The following CFAP299 variants were observed in gnomAD, a reference collection of about 807,000 sequenced individuals.
The protein encoded by CFAP299 is cilia- and flagella-associated protein 299.
In CFAP299, 21 loss-of-function variants were observed where a neutral mutation model predicts 27.0. That is an observed-to-expected ratio of 0.78 (90% CI 0.55 to 1.12). The LOEUF is 1.12. CFAP299 is among the 50% of genes most tolerant of loss of function. The pLI, the probability that CFAP299 is intolerant of heterozygous loss-of-function variation, is 0.00. For missense variants in CFAP299, 310 were observed against 276.6 expected, an observed-to-expected ratio of 1.12 and a Z score of -0.86; for synonymous variants, 104 against 98.1, an observed-to-expected ratio of 1.06 and a Z score of -0.36.
intron 3 of CFAP299, among the ~76,000 whole-genome samples, chr4:80,625,844 C>A (rs1738864119): frequency 2.0e-5 from 3 of 151,810 alleles, no homozygotes; most frequent in African/African-American, 7.3e-5. Context: ...ATAACAATTA[C>A]AAATATATAC....
intron 4 of CFAP299, among the ~76,000 whole-genome samples, chr4:80,942,090 C>A (rs1578255997): frequency 6.6e-6 from 1 of 152,102 alleles, no homozygotes; most frequent in African/African-American, 2.4e-5. Flanking sequence ...TTTTGATGGG[C>A]CCACACTAGT....
chr4:80,611,413 T>C (rs1737970363), intron 3 of CFAP299, among the ~76,000 whole-genome samples: 1 of 152,066 alleles, frequency 6.6e-6, no homozygotes, highest in Non-Finnish European at 1.5e-5. Context: ...TAAACTTATT[T>C]GACAGAATGA....
intron 2 of CFAP299, among the ~76,000 whole-genome samples, chr4:80,393,913 C>T (rs1366303999): frequency 2.0e-5 from 3 of 152,128 alleles, no homozygotes; most frequent in East Asian, 1.9e-4. Flanking sequence ...GATCTTGACA[C>T]GTGATCCCCA....
chr4:80,606,450 G>T (rs1258337361), intron 3 of CFAP299, among the ~76,000 whole-genome samples: 1 of 152,064 alleles, frequency 6.6e-6, no homozygotes, highest in African/African-American at 2.4e-5. Context: ...CAGGAGAATC[G>T]CTTGAACCTG....
rs546371744 is a variant in CFAP299, at chr4:80,687,042, C to A, written c.333+103859C>A. On this transcript the variant is annotated intron_variant, in intron 3 of 5. Transcript: ENST00000358105. ...TTAGAAAACATTTTTGCCTGTTAAA[C>A]AAAACCTGAACCCCAGCTAGACATT... 2.6e-5 allele frequency among the ~76,000 whole-genome samples: 4 copies of A among 152,236 alleles called. No homozygotes were observed. In the South Asian group the frequency reaches 8.3e-4, roughly 32 times the overall value.
chr4:80,473,911 C>A (rs374552149), intron 2 of CFAP299, among the ~76,000 whole-genome samples: 3 of 152,102 alleles, frequency 2.0e-5, no homozygotes, highest in African/African-American at 7.2e-5. Flanking sequence ...AAACAAATAT[C>A]TTTGGCTACC....
chr4:80,362,917 G>A lies in CFAP299; in HGVS notation c.242+33G>A, dbSNP rs765220172. 6.3e-6 allele frequency: 10 copies of A among 1,589,606 alleles called. No individual in the cohort carries two copies. The South Asian group carries it at 1.0e-4, about 17-fold the overall frequency. On this transcript the variant is annotated intron_variant, in intron 2 of 5. Coordinates refer to ENST00000358105, the MANE Select transcript of CFAP299 (RefSeq NM_152770.3). ...TCCATGTTCCAAATCCAGATTTTAT[G>A]TTATATTCTAGACCTCTGGAGTAAT...
chr4:80,845,654 A>G lies in CFAP299; in HGVS notation c.334-24339A>G, dbSNP rs532430955. Among the ~76,000 whole-genome samples the G allele has an allele frequency of 2.0e-4, 31 of 152,256 alleles. No individual in the cohort carries two copies. In the South Asian group the frequency reaches 6.2e-3, roughly 31 times the overall value. On this transcript the variant is annotated intron_variant, in intron 3 of 5. Coordinates refer to ENST00000358105, the MANE Select transcript of CFAP299 (RefSeq NM_152770.3). The stretch of plus-strand genomic sequence containing the variant: ...TATTATTCAAGTTTCAAGTAAAACA[A>G]TTTCTTCTCAGGAAGACCCTATTCA...
At chr4:80,933,587 AT>A (rs959778057) in intron 4 of CFAP299, among the ~76,000 whole-genome samples, 3 of 152,000 alleles carry the variant, frequency 2.0e-5, no homozygotes, top group African/African-American at 2.4e-5. Flanking sequence ...ATATATTTCT[AT>A]TTTTTTATGA....
chr4:80,513,561 G>A (rs1015024300), intron 2 of CFAP299, among the ~76,000 whole-genome samples: 3 of 152,040 alleles, frequency 2.0e-5, no homozygotes, highest in Non-Finnish European at 2.9e-5. Context: ...AGAAATGAAC[G>A]TTTGGAAGCT....
chr4:80,449,227 T>G (rs1308132371), intron 2 of CFAP299, among the ~76,000 whole-genome samples: 1 of 151,874 alleles, frequency 6.6e-6, no homozygotes, highest in Non-Finnish European at 1.5e-5. Context: ...TGAATCACCA[T>G]GTTTTGTGGA....
intron 2 of CFAP299, among the ~76,000 whole-genome samples, chr4:80,542,306 T>G (rs886498751): frequency 1.3e-5 from 2 of 152,148 alleles, no homozygotes; most frequent in Admixed American, 1.3e-4. Context: ...GACATCACCT[T>G]GTAATCATCA....
chr4:80,463,214 A>G (rs1248412366), intron 2 of CFAP299, among the ~76,000 whole-genome samples: 4 of 152,162 alleles, frequency 2.6e-5, no homozygotes, highest in African/African-American at 9.7e-5. Flanking sequence ...TATAAAACAA[A>G]GGAAACATCA....
the CFAP299 span, among the ~76,000 whole-genome samples, chr4:80,322,401 C>T: frequency 7.2e-5 from 11 of 152,314 alleles, no homozygotes; most frequent in South Asian, 2.1e-4. Context: ...TTGATACTTT[C>T]CTGTATGTGT....
chr4:80,443,937 A>G (rs1728489348), intron 2 of CFAP299, among the ~76,000 whole-genome samples: 1 of 152,190 alleles, frequency 6.6e-6, no homozygotes. Flanking sequence ...TAATTGCTAC[A>G]AAGAGAATAA....
intron 1 of CFAP299, among the ~76,000 whole-genome samples, chr4:80,345,546 T>C (rs1263362159): frequency 6.6e-6 from 1 of 151,982 alleles, no homozygotes; most frequent in Non-Finnish European, 1.5e-5. Flanking sequence ...GTCCTTGTGA[T>C]AGTTTGCTGA....
At chr4:80,838,124 G>A (rs1409832102) in intron 3 of CFAP299, among the ~76,000 whole-genome samples, 7 of 151,946 alleles carry the variant, frequency 4.6e-5, no homozygotes, top group African/African-American at 7.3e-5. Flanking sequence ...GTTTTTTCTT[G>A]TAAATTTGTT....
chr4:80,754,798 G>T (rs1186554069), intron 3 of CFAP299, among the ~76,000 whole-genome samples: 1 of 152,044 alleles, frequency 6.6e-6, no homozygotes, highest in East Asian at 1.9e-4. Context: ...CTCCAGGTAT[G>T]CATGCACTTG....
chr4:80,800,555 T>TA (rs1728480704), intron 3 of CFAP299, among the ~76,000 whole-genome samples: 1 of 59,706 alleles, frequency 1.7e-5, no homozygotes, highest in Non-Finnish European at 2.8e-5. Context: ...TATATCAATA[T>TA]ATTATATAAT....
Sources: gnomAD v4.1 joint callset for allele counts (sites outside exome capture counted in the v4.1 genomes callset) on GRCh38, gnomAD v4.1.1 for gene constraint, MANE v1.5 for transcripts, NCBI Gene and HGNC (gene_info 2026-07-23, HGNC 2026-07-21) for gene names.